Variants in ZNF560 observed in about 807,000 individuals in gnomAD.
The protein encoded by ZNF560 is zinc finger protein 560.
Under a neutral mutation model 81.8 loss-of-function variants are expected in ZNF560, and 54 were observed. That is an observed-to-expected ratio of 0.66 (90% CI 0.53 to 0.83). The LOEUF is 0.83. ZNF560 is among the 40% of genes least tolerant of loss of function. ZNF560 has a pLI of 0.00. For missense variants in ZNF560, 940 were observed against 932.4 expected (o/e 1.01, Z -0.11); for synonymous variants, 321 against 317.9 (o/e 1.01, Z -0.10).
intron 2 of ZNF560, among the ~76,000 whole-genome samples, chr19:9,493,625 G>A (rs1482241641): frequency 1.3e-5 from 2 of 151,962 alleles, no homozygotes; most frequent in Non-Finnish European, 2.9e-5. Context: ...CAAAGTGCCG[G>A]GATTACAGGT....
upstream of ZNF560, among the ~76,000 whole-genome samples, chr19:9,501,367 G>GTGTC (rs2073631820): frequency 1.3e-5 from 2 of 149,400 alleles, no homozygotes; most frequent in Non-Finnish European, 3.0e-5. Context: ...GTGTGTGTGT[G>GTGTC]TGTGTGTGTG....
At position 9,466,713 on chromosome 19, in the gene ZNF560, C is replaced by T. The variant is rs1018035076; in HGVS notation, c.2234G>A (p.Cys745Tyr). The T allele has an allele frequency of 6.2e-7, 1 of 1,614,052 alleles. No individual in the cohort carries two copies. The highest frequency in any genetic ancestry group is 8.5e-7 in the Non-Finnish European group (1 of 1,180,044). The change falls in exon 10 of 10, where the codon TGT (cysteine) becomes TAT (tyrosine). Residue 745 changes from cysteine (C) to tyrosine (Y), a missense_variant. Physicochemically the swap from Cys to Tyr is radical, Grantham distance 194 (BLOSUM62 -2). Transcript: ENST00000301480. Reference protein sequence around the residue: ...TGEKPYKCKECGKAFRTSSGR... With the variant: ...TGEKPYKCKEYGKAFRTSSGR... ...TGAGGATGTACGGAAGGCCTTCCCA[C>T]ATTCCTTACATTTATAGGGCTTCTC...
intron 3 of ZNF560, 25 bp from the exon 4 acceptor site, chr19:9,474,350 T>C (rs1347855577): frequency 6.3e-7 from 1 of 1,592,344 alleles, no homozygotes; most frequent in African/African-American, 1.3e-5. Flanking sequence ...ACATGTTGAT[T>C]TGAGCCAAGT....
In ZNF560 at chr19:9,473,172, T is replaced by C. The variant is rs760558703; in HGVS notation, c.238+7A>G. ...ACTGACCAAGGTTGTTCTTCACAAA[T>C]ACTCACCTTGGAGAACTCCTTGCTG... On this transcript the variant is annotated splice_region_variant and intron_variant, in intron 5 of 9. Coordinates refer to ENST00000301480, the MANE Select transcript of ZNF560 (RefSeq NM_152476.3). The C allele has an allele frequency of 1.9e-6, 3 of 1,611,962 alleles. No homozygotes were observed. Among genetic ancestry groups the C allele is most frequent in the South Asian group, 1.1e-5 (1 of 91,034 alleles).
intron 2 of ZNF560, among the ~76,000 whole-genome samples, chr19:9,482,229 A>G (rs1332189820): frequency 6.6e-6 from 1 of 151,704 alleles, no homozygotes; most frequent in Non-Finnish European, 1.5e-5. Context: ...AACAATGAGA[A>G]CACTTGGACA....
chr19:9,490,181 C>T (rs528429908), intron 2 of ZNF560, among the ~76,000 whole-genome samples: 20 of 152,196 alleles, frequency 1.3e-4, no homozygotes, highest in Non-Finnish European at 2.5e-4. Flanking sequence ...AGAAGACACC[C>T]TCTTCACAAA....
Position 9,468,103 on chromosome 19 carries a change from C to T in ZNF560, c.844G>A (p.Val282Ile). ...TTATCTTGTGTACACTTTCTCTGGA[C>T]CTGAACATTTAAAATCAGGCGGAAA... ...KSFRLILNVQ[V>I]QRKCTQDKSF... The change falls in exon 10 of 10, where the codon GTC (valine) becomes ATC (isoleucine). Residue 282 changes from valine (V) to isoleucine (I), a missense_variant. Coordinates refer to ENST00000301480, the MANE Select transcript of ZNF560 (RefSeq NM_152476.3). 6.2e-7 allele frequency: 1 copy of T among 1,614,124 alleles called. No homozygotes were observed. Among genetic ancestry groups the T allele is most frequent in the Non-Finnish European group, 8.5e-7 (1 of 1,180,018 alleles).
downstream of ZNF560, among the ~76,000 whole-genome samples, chr19:9,465,214 T>C (rs1445976383): frequency 1.4e-5 from 2 of 146,918 alleles, no homozygotes; most frequent in South Asian, 4.4e-4. Flanking sequence ...AACTGTAACC[T>C]CTGCCTCCCT....
chr19:9,465,129 A>ATT (rs887659069), downstream of ZNF560, among the ~76,000 whole-genome samples: 867 of 129,484 alleles, frequency 6.7e-3, 14 homozygotes, highest in African/African-American at 0.016. Context: ...AAAGCTATTG[A>ATT]TTTTTTTTTT....
In ZNF560 at chr19:9,466,649, T is replaced by C. The variant is rs748925173; in HGVS notation, c.2298A>G (p.Lys766=). 30 of 1,613,622 alleles carry C rather than the reference T, an allele frequency of 1.9e-5. No individual in the cohort carries two copies. Among genetic ancestry groups the C allele is most frequent in the Non-Finnish European group, 2.3e-5 (27 of 1,179,840 alleles). ...TCCCACACTGGTCACATTCAAAGGG[T>C]TTCTCTCCCATATGAGTTCTTAAAT... ...IQHLRTHMGE[K]PFECDQCGKA... Residue 766 remains lysine, a synonymous_variant, in exon 10 of 10, where the codon AAA becomes AAG. Transcript: ENST00000301480.
the ZNF560 span, among the ~76,000 whole-genome samples, chr19:9,452,318 A>T: frequency 9.2e-5 from 14 of 152,178 alleles, no homozygotes; most frequent in African/African-American, 2.7e-4. Context: ...GTTGGTTGGA[A>T]TGTACTGTGG....
rs753532309 is a variant in ZNF560, at chr19:9,467,760, C to A, written c.1187G>T (p.Arg396Leu). 2 of 1,614,156 alleles carry A rather than the reference C, an allele frequency of 1.2e-6. No homozygotes were observed. Among genetic ancestry groups the A allele is most frequent in the East Asian group, 4.5e-5 (2 of 44,878 alleles). ...ATAGGGCTTCTCTCCAGTGTGAGTTCGTACATGTTCAAGAAAGCCTGACGG... is the reference window on the plus strand; with the variant it reads ...ATAGGGCTTCTCTCCAGTGTGAGTTAGTACATGTTCAAGAAAGCCTGACGG... ...TVPSGFLEHV[R>L]THTGEKPYGC... Residue 396 changes from arginine (R) to leucine (L), a missense_variant, in exon 10 of 10, where the codon CGA becomes CTA. Physicochemically the swap from Arg to Leu is moderately radical, Grantham distance 102 (BLOSUM62 -2). Transcript: ENST00000301480.
At chr19:9,484,041 A>G (rs996458940) in intron 2 of ZNF560, among the ~76,000 whole-genome samples, 11 of 152,252 alleles carry the variant, frequency 7.2e-5, no homozygotes, top group Admixed American at 7.2e-4. Context: ...TCAGGGTTAA[A>G]TGGATTAAGG....
chr19:9,446,901 G>A, the ZNF560 span, among the ~76,000 whole-genome samples: 2 of 152,040 alleles, frequency 1.3e-5, no homozygotes, highest in African/African-American at 2.4e-5. Context: ...TTGGGAGGCC[G>A]AGGTGGGCAG....
chr19:9,496,395 T>C (rs2144732804), intron 2 of ZNF560, among the ~76,000 whole-genome samples: 1 of 151,658 alleles, frequency 6.6e-6, no homozygotes, highest in South Asian at 2.1e-4. Flanking sequence ...ATTTTTGTAT[T>C]TTGTATTTTT....
chr19:9,500,246 G>A (rs536915998), upstream of ZNF560, among the ~76,000 whole-genome samples: 13 of 151,940 alleles, frequency 8.6e-5, no homozygotes, highest in South Asian at 4.2e-4. Flanking sequence ...TTAGCCAGGC[G>A]TGGTGGTTGG....
intron 2 of ZNF560, among the ~76,000 whole-genome samples, chr19:9,483,545 C>A (rs1489541386): frequency 6.8e-6 from 1 of 147,550 alleles, no homozygotes; most frequent in Non-Finnish European, 1.5e-5. Context: ...GGGGGGTCAG[C>A]CCCCGCCCGG....
downstream of ZNF560, among the ~76,000 whole-genome samples, chr19:9,464,518 C>T (rs2072984858): frequency 6.6e-6 from 1 of 152,212 alleles, no homozygotes; most frequent in African/African-American, 2.4e-5. Flanking sequence ...TCAGACCCTT[C>T]TTCAACCCTG....
chr19:9,467,333 G>T lies in ZNF560; in HGVS notation c.1614C>A (p.His538Gln), dbSNP rs2073041422. The T allele has an allele frequency of 4.3e-6, 7 of 1,614,162 alleles. No homozygotes were observed. Among genetic ancestry groups the T allele is most frequent in the Non-Finnish European group, 5.9e-6 (7 of 1,180,034 alleles). The change falls in exon 10 of 10, where the codon CAC (histidine) becomes CAA (glutamine). Residue 538 changes from histidine (H) to glutamine (Q), a missense_variant. Physicochemically the swap from His to Gln is conservative, Grantham distance 24. Transcript: ENST00000301480. Reference protein sequence around the residue: ...SACLRIHMRTHTEERLYQCKK... With the variant: ...SACLRIHMRTQTEERLYQCKK... ...TACATTGATAGAGTCTCTCTTCTGT[G>T]TGAGTTCGCATGTGAATACGAAGAC...
Sources: gnomAD v4.1 joint callset for allele counts (sites outside exome capture counted in the v4.1 genomes callset) on GRCh38, gnomAD v4.1.1 for gene constraint, MANE v1.5 for transcripts, NCBI Gene and HGNC (gene_info 2026-07-23, HGNC 2026-07-21) for gene names.